Variants in PDE4D observed in about 807,000 individuals in gnomAD.
PDE4D encodes 3',5'-cyclic-AMP phosphodiesterase 4D.
In PDE4D, 24 loss-of-function variants were observed where a neutral mutation model predicts 87.4. The observed-to-expected ratio is 0.27, with a 90% CI of 0.20 to 0.39. The LOEUF (loss-of-function observed/expected upper bound fraction) is 0.39, where lower values mean the gene tolerates loss of function less well. Among genes scored for constraint, PDE4D ranks in the 10% least tolerant of loss-of-function variants. The pLI is 1.00. For missense variants in PDE4D, 714 were observed against 1,041.0 expected, an observed-to-expected ratio of 0.69 and a Z score of 4.32; for synonymous variants, 384 against 383.2, an observed-to-expected ratio of 1.00 and a Z score of -0.02.
At chr5:60,194,348 C>T (rs1218886515) in intron 1 of PDE4D, among the ~76,000 whole-genome samples, 2 of 151,714 alleles carry the variant, frequency 1.3e-5, no homozygotes, top group Non-Finnish European at 2.9e-5. Context: ...GAAAATCCCT[C>T]TTCCTCTGTC....
intron 1 of PDE4D, among the ~76,000 whole-genome samples, chr5:59,709,838 A>T (rs1753953601): frequency 6.6e-6 from 1 of 152,100 alleles, no homozygotes. Context: ...GGAAGTAATA[A>T]CCATTAGCAT....
rs571203269 is a variant in PDE4D at position 59,580,281 on chromosome 5, C to T, written c.455+312887G>A. 9.3e-4 allele frequency among the ~76,000 whole-genome samples: 142 copies of T among 152,258 alleles called. 1 individual carries two copies. Among genetic ancestry groups the T allele is most frequent in the African/African-American group, 3.2e-3 (134 of 41,548 alleles). The stretch of plus-strand genomic sequence containing the variant: ...AGTTATCTAATCTCTGTGAACATTA[C>T]CTTCCTCATCTGCAAACAGGGATTT... On this transcript the variant is annotated intron_variant, in intron 1 of 14. Transcript: ENST00000340635.
intron 1 of PDE4D, among the ~76,000 whole-genome samples, chr5:59,888,661 C>T (rs148698698): frequency 1.2e-3 from 181 of 151,950 alleles, no homozygotes; most frequent in African/African-American, 4.1e-3. Context: ...GATACTGTTT[C>T]CTAAATTCAA....
At chr5:60,347,815 T>C (rs1015826221) in intron 1 of PDE4D, among the ~76,000 whole-genome samples, 6 of 151,966 alleles carry the variant, frequency 3.9e-5, no homozygotes, top group African/African-American at 1.2e-4. Context: ...TGGGAAAAAG[T>C]AGAACAGAGG....
intron 1 of PDE4D, among the ~76,000 whole-genome samples, chr5:60,252,517 G>T (rs1748591797): frequency 6.6e-6 from 1 of 150,840 alleles, no homozygotes; most frequent in Non-Finnish European, 1.5e-5. Context: ...CCTTTCAAAT[G>T]CATGATAAAC....
chr5:59,373,334 C>A (rs1784231720), intron 1 of PDE4D, among the ~76,000 whole-genome samples: 1 of 152,136 alleles, frequency 6.6e-6, no homozygotes, highest in East Asian at 1.9e-4. Flanking sequence ...ACAAGAATGT[C>A]ACCAACCTGA....
intron 5 of PDE4D, among the ~76,000 whole-genome samples, chr5:59,047,237 T>C (rs535805865): frequency 2.0e-5 from 3 of 152,196 alleles, no homozygotes; most frequent in African/African-American, 4.8e-5. Context: ...AGAAACTTAA[T>C]AGTTACCTGG....
intron 1 of PDE4D, among the ~76,000 whole-genome samples, chr5:59,797,622 A>G (rs1489549365): frequency 6.6e-6 from 1 of 152,118 alleles, no homozygotes; most frequent in East Asian, 1.9e-4. Context: ...TGCTGATATT[A>G]ATAACACATA....
intron 1 of PDE4D, among the ~76,000 whole-genome samples, chr5:59,792,402 C>CTGTGTGTGTGTGTGTGTGTGTGTGTG (rs3062592): frequency 2.3e-4 from 32 of 138,854 alleles, no homozygotes; most frequent in African/African-American, 7.6e-4. Context: ...CTCCAAGAAG[C>CTGTGTGTGTGTGTGTGTGTGTGTGTG]TGTGTGTGTG....
chr5:60,173,643 G>T (rs1232363027), intron 2 of PDE4D, among the ~76,000 whole-genome samples: 1 of 152,014 alleles, frequency 6.6e-6, no homozygotes, highest in Non-Finnish European at 1.5e-5. Flanking sequence ...AAAAGAAGTT[G>T]TGAAAAGACA....
intron 1 of PDE4D, among the ~76,000 whole-genome samples, chr5:59,534,007 A>G (rs1160317329): frequency 1.3e-5 from 2 of 152,212 alleles, no homozygotes; most frequent in East Asian, 3.8e-4. Context: ...CTCTGCTGCA[A>G]CCCAAACCTA....
At chr5:59,738,372 G>A (rs1007398052) in intron 1 of PDE4D, among the ~76,000 whole-genome samples, 1 of 152,048 alleles carries the variant, frequency 6.6e-6, no homozygotes, top group African/African-American at 2.4e-5. Flanking sequence ...CCCATGAATA[G>A]GACAGAGAAA....
chr5:59,823,363 A>C (rs1201619583), intron 1 of PDE4D, among the ~76,000 whole-genome samples: 2 of 152,080 alleles, frequency 1.3e-5, no homozygotes, highest in Non-Finnish European at 2.9e-5. Context: ...CCATTCTTTG[A>C]AAAACAACAT....
At chr5:59,019,214 C>G (rs1006851391) in intron 6 of PDE4D, among the ~76,000 whole-genome samples, 9 of 151,930 alleles carry the variant, frequency 5.9e-5, no homozygotes, top group African/African-American at 2.2e-4. Flanking sequence ...AATCTTTCTC[C>G]TACTCATTCC....
chr5:59,485,569 C>T (rs186098804), intron 1 of PDE4D, among the ~76,000 whole-genome samples: 1 of 151,730 alleles, frequency 6.6e-6, no homozygotes, highest in Non-Finnish European at 1.5e-5. Flanking sequence ...TTAGCAGTTA[C>T]ATATTTTTAG....
At chr5:60,086,154 A>G (rs1463149103) in intron 2 of PDE4D, among the ~76,000 whole-genome samples, 3 of 152,194 alleles carry the variant, frequency 2.0e-5, no homozygotes, top group Non-Finnish European at 4.4e-5. Flanking sequence ...CATATTTTTG[A>G]TGATTTATGT....
In PDE4D at chr5:58,980,512, C is replaced by A. The variant is rs939467053; in HGVS notation, c.1553-3167G>T. On this transcript the variant is annotated intron_variant, in intron 11 of 14. Coordinates refer to ENST00000340635, the MANE Select transcript of PDE4D (RefSeq NM_001104631.2). ...AAGTATTTATTTTTTATTGAGAGGCCATGCATACCTTTACAAACTCAAAGC... is the reference window on the plus strand; with the variant it reads ...AAGTATTTATTTTTTATTGAGAGGCAATGCATACCTTTACAAACTCAAAGC... Among the ~76,000 whole-genome samples, 15 of 152,128 alleles carry A rather than the reference C, an allele frequency of 9.9e-5. No individual in the cohort carries two copies. The East Asian group carries it at 2.9e-3, about 29-fold the overall frequency.
intron 1 of PDE4D, among the ~76,000 whole-genome samples, chr5:59,668,714 G>GA (rs1207293464): frequency 8.1e-6 from 1 of 123,860 alleles, no homozygotes; most frequent in Non-Finnish European, 1.7e-5. Flanking sequence ...CCTGCCTCAA[G>GA]AAAAAAAAGA....
At chr5:60,193,752 A>G (rs1261550761) in intron 1 of PDE4D, among the ~76,000 whole-genome samples, 2 of 151,324 alleles carry the variant, frequency 1.3e-5, no homozygotes, top group Non-Finnish European at 3.0e-5. Context: ...AAATATTTTT[A>G]AAATAGTAAG....
Sources: allele counts gnomAD v4.1 joint callset (sites outside exome capture counted in the v4.1 genomes callset), GRCh38; gene constraint gnomAD v4.1.1; transcripts MANE v1.5; gene names NCBI Gene and HGNC (gene_info 2026-07-23, HGNC 2026-07-21).